Variants in MICU2 observed in about 807,000 individuals in gnomAD.
The protein encoded by MICU2 is mitochondrial calcium uptake 2, also known as calcium uptake protein 2, mitochondrial.
In MICU2, 64 loss-of-function variants were observed where a neutral mutation model predicts 60.4. The ratio of observed to expected loss-of-function variants is 1.06; its 90% CI spans 0.87 to 1.31. MICU2 has a LOEUF of 1.31. MICU2 is among the 50% of genes most tolerant of loss of function. The probability of loss-of-function intolerance (pLI) is 0.00; values close to 1 mark genes in which losing one functional copy is unlikely to be tolerated. For synonymous variants in MICU2, 201 were observed against 175.0 expected, an observed-to-expected ratio of 1.15 and a Z score of -1.17; for missense variants, 569 against 531.0, an observed-to-expected ratio of 1.07 and a Z score of -0.70.
chr13:21,531,447 C>G lies in MICU2; in HGVS notation c.466+7855G>C, dbSNP rs1593329260. On this transcript the variant is annotated intron_variant, in intron 4 of 11. Transcript: ENST00000382374. ...GTCAAAGTGCATCACACAGGTATTG[C>G]TTTTTAACAAGAACTGATGCTCCTT... The G allele has an allele frequency of 1.5e-5, 10 of 660,694 alleles. No individual in the cohort carries two copies. In the South Asian group the frequency reaches 2.0e-4, roughly 13 times the overall value. The allele number at this position is 660,694 out of a possible 1,614,324, so 40.9% of individuals were successfully genotyped here.
intron 9 of MICU2, among the ~76,000 whole-genome samples, chr13:21,500,202 C>T (rs1288205462): frequency 6.6e-6 from 1 of 152,172 alleles, no homozygotes; most frequent in African/African-American, 2.4e-5. Flanking sequence ...ATATGTTACT[C>T]ATGTTGTTGC....
intron 2 of MICU2, among the ~76,000 whole-genome samples, chr13:21,554,752 G>C (rs1283249345): frequency 1.9e-4 from 29 of 152,070 alleles, no homozygotes; most frequent in Admixed American, 1.6e-3. Context: ...TTTTTGAAAA[G>C]ATCAAGAAAA....
chr13:21,514,940 T>C (rs1227028334), intron 6 of MICU2, among the ~76,000 whole-genome samples: 1 of 152,278 alleles, frequency 6.6e-6, no homozygotes, highest in East Asian at 1.9e-4. Context: ...ACTACAATCT[T>C]CTACTAAGAA....
intron 1 of MICU2, among the ~76,000 whole-genome samples, chr13:21,598,102 A>T (rs1203043050): frequency 6.6e-6 from 1 of 152,076 alleles, no homozygotes; most frequent in African/African-American, 2.4e-5. Flanking sequence ...TATTTAGATT[A>T]AAAAATACAG....
At chr13:21,577,111 A>G (rs868159350) in intron 1 of MICU2, among the ~76,000 whole-genome samples, 1 of 152,194 alleles carries the variant, frequency 6.6e-6, no homozygotes, top group South Asian at 2.1e-4. Flanking sequence ...GTGTAAAACA[A>G]ATATAGTACT....
chr13:21,544,110 T>C (rs1887349763), intron 2 of MICU2, among the ~76,000 whole-genome samples: 2 of 152,118 alleles, frequency 1.3e-5, no homozygotes, highest in South Asian at 2.1e-4. Context: ...GATGTCCACA[T>C]GCAGAAGAAT....
At chr13:21,508,821 T>G (rs74434075) in intron 8 of MICU2, among the ~76,000 whole-genome samples, 2,041 of 152,324 alleles carry the variant, frequency 0.013, 42 homozygotes, top group Non-Finnish European at 0.018. Context: ...ACTTAGTATT[T>G]CTTCTGGAAA....
At chr13:21,501,332 A>G (rs546927302) in intron 9 of MICU2, among the ~76,000 whole-genome samples, 11 of 151,478 alleles carry the variant, frequency 7.3e-5, no homozygotes, top group Admixed American at 2.6e-4. Flanking sequence ...GCGCAATCTC[A>G]GCTCACTGAA....
intron 4 of MICU2, among the ~76,000 whole-genome samples, chr13:21,527,755 G>C (rs767583333): frequency 2.6e-5 from 4 of 152,080 alleles, no homozygotes; most frequent in Non-Finnish European, 5.9e-5. Context: ...CTCTTAAGAG[G>C]GACACTAGGA....
chr13:21,564,838 T>C (rs1278947928), intron 2 of MICU2, among the ~76,000 whole-genome samples: 1 of 152,156 alleles, frequency 6.6e-6, no homozygotes, highest in Admixed American at 6.5e-5. Flanking sequence ...AAGGTAAAAC[T>C]CACAAAAGCG....
intron 1 of MICU2, among the ~76,000 whole-genome samples, chr13:21,601,730 G>A (rs1423615586): frequency 6.6e-6 from 1 of 152,198 alleles, no homozygotes; most frequent in Non-Finnish European, 1.5e-5. Context: ...GGGATAGTGA[G>A]TGAATCACTT....
At chr13:21,519,478 C>G (rs1228080577) in intron 6 of MICU2, among the ~76,000 whole-genome samples, 1 of 152,224 alleles carries the variant, frequency 6.6e-6, no homozygotes, top group Non-Finnish European at 1.5e-5. Context: ...ACTCTGCTCA[C>G]TGTTCTGCTC....
chr13:21,570,523 C>T (rs1356729456), intron 1 of MICU2, among the ~76,000 whole-genome samples: 5 of 152,054 alleles, frequency 3.3e-5, no homozygotes, highest in Admixed American at 2.6e-4. Flanking sequence ...ATATTGTTCC[C>T]AAGAAGAAAA....
chr13:21,588,689 C>A (rs776836736), intron 1 of MICU2, among the ~76,000 whole-genome samples: 1 of 152,158 alleles, frequency 6.6e-6, no homozygotes, highest in Non-Finnish European at 1.5e-5. Flanking sequence ...TGCCAAATAA[C>A]CAGAAGTGGC....
intron 4 of MICU2, among the ~76,000 whole-genome samples, chr13:21,523,339 G>A (rs1387353222): frequency 6.6e-6 from 1 of 152,154 alleles, no homozygotes; most frequent in Non-Finnish European, 1.5e-5. Context: ...AAGCTGGCTC[G>A]CAAATAACAG....
At position 21,560,470 on chromosome 13, in the gene MICU2, G is replaced by A. The variant is rs114074655; in HGVS notation, c.358+6327C>T. Among the ~76,000 whole-genome samples, 655 of 152,168 alleles carry A rather than the reference G, an allele frequency of 4.3e-3. 6 individuals are homozygous for A. Among genetic ancestry groups the A allele is most frequent in the African/African-American group, 0.015 (604 of 41,514 alleles). On this transcript the variant is annotated intron_variant, in intron 2 of 11. Transcript: ENST00000382374. The stretch of plus-strand genomic sequence containing the variant: ...CACTGGTCAGTTTGTCTATCCCTAT[G>A]CCAATGCCATTTGATCTTAATTACT...
chr13:21,495,520 C>T (rs1593310887), intron 10 of MICU2: 5 of 514,480 alleles, frequency 9.7e-6, no homozygotes, highest in Non-Finnish European at 1.0e-5. Flanking sequence ...GACAAATGAG[C>T]TATTGTAATT....
At chr13:21,545,710 T>C (rs761326581) in intron 2 of MICU2, among the ~76,000 whole-genome samples, 3 of 148,790 alleles carry the variant, frequency 2.0e-5, no homozygotes, top group African/African-American at 4.9e-5. Context: ...AAGTAGAAAG[T>C]AGGACAGAGT....
At chr13:21,553,609 G>A (rs550981245) in intron 2 of MICU2, among the ~76,000 whole-genome samples, 1 of 152,288 alleles carries the variant, frequency 6.6e-6, no homozygotes, top group Admixed American at 6.5e-5. Context: ...TCAAGGCTAG[G>A]AAGAAACTGC....
Sources: gnomAD v4.1 joint callset for allele counts (sites outside exome capture counted in the v4.1 genomes callset) on GRCh38, gnomAD v4.1.1 for gene constraint, MANE v1.5 for transcripts, NCBI Gene and HGNC (gene_info 2026-07-23, HGNC 2026-07-21) for gene names.